The following LNPK variants were observed in gnomAD, a reference collection of about 807,000 sequenced individuals.
LNPK encodes endoplasmic reticulum junction formation protein lunapark.
Under a neutral mutation model 55.2 loss-of-function variants are expected in LNPK, and 29 were observed. That is an observed-to-expected ratio of 0.53 (90% CI 0.39 to 0.72). The LOEUF (loss-of-function observed/expected upper bound fraction) is 0.72. Ranked by LOEUF, LNPK falls within the 30% of genes least tolerant of loss-of-function variation. The probability of loss-of-function intolerance (pLI) is 0.00; values close to 1 mark genes in which losing one functional copy is unlikely to be tolerated. For missense variants in LNPK, 467 were observed against 494.8 expected (o/e 0.94, Z 0.53); for synonymous variants, 162 against 168.2 (o/e 0.96, Z 0.29).
intron 1 of LNPK, among the ~76,000 whole-genome samples, chr2:175,998,129 G>C (rs376603232): frequency 3.3e-5 from 5 of 152,208 alleles, no homozygotes; most frequent in African/African-American, 1.2e-4. Context: ...AAGTGAAGTA[G>C]TGTGCTAAGT....
Position 175,927,164 on chromosome 2 carries a change from A to G in LNPK, c.*2803T>C, listed in dbSNP as rs546660059. 1 of 152,334 alleles carries G rather than the reference A, an allele frequency of 6.6e-6. No individual in the cohort carries two copies. The highest frequency in any genetic ancestry group is 2.4e-5 in the African/African-American group (1 of 41,590). 9.4% of individuals were successfully genotyped at this position (152,334 alleles called of 1,614,324 possible). On this transcript the variant is annotated 3_prime_UTR_variant, in exon 13 of 13. Transcript: ENST00000272748. Reference sequence around the variant, plus strand: ...ATAATAGTGTGATATATGAAAAGCCAAAAGAAAAAAAGTATCTCAGAGAAT... The same window carrying G: ...ATAATAGTGTGATATATGAAAAGCCGAAAGAAAAAAAGTATCTCAGAGAAT...
chr2:175,956,971 C>T (rs1048197153), intron 8 of LNPK, among the ~76,000 whole-genome samples: 1 of 152,120 alleles, frequency 6.6e-6, no homozygotes, highest in African/African-American at 2.4e-5. Flanking sequence ...TTTTAAGTAG[C>T]CTTTAGAGTC....
chr2:175,980,980 T>TA (rs920044816), intron 4 of LNPK, among the ~76,000 whole-genome samples: 15 of 151,502 alleles, frequency 9.9e-5, no homozygotes, highest in Middle Eastern at 3.4e-3. Flanking sequence ...GTATCTCTTG[T>TA]AAAAAAAAAT....
chr2:175,992,047 G>A (rs1687725101), intron 4 of LNPK, among the ~76,000 whole-genome samples, 184 bp downstream of exon 4: 2 of 151,828 alleles, frequency 1.3e-5, no homozygotes, highest in South Asian at 2.1e-4. Flanking sequence ...CAGGTATATT[G>A]GATTACAAAT....
intron 4 of LNPK, among the ~76,000 whole-genome samples, chr2:175,982,049 C>A (rs1559066892): frequency 6.6e-6 from 1 of 151,952 alleles, no homozygotes; most frequent in Non-Finnish European, 1.5e-5. Context: ...CCTAAAAGTA[C>A]AAAAAACACC....
chr2:175,966,428 T>G, intron 6 of LNPK, among the ~76,000 whole-genome samples: 1 of 152,216 alleles, frequency 6.6e-6, no homozygotes, highest in East Asian at 1.9e-4. Context: ...CAGATAACTC[T>G]AGACTAAAAC....
At chr2:175,985,233 T>C (rs1687349916) in intron 4 of LNPK, among the ~76,000 whole-genome samples, 1 of 151,882 alleles carries the variant, frequency 6.6e-6, no homozygotes, top group Non-Finnish European at 1.5e-5. Flanking sequence ...TATAAAGGAG[T>C]AGCAAAAAGG....
At chr2:175,993,057 T>G (rs1455513368) in intron 3 of LNPK, 125 bp downstream of exon 3, 8 of 585,208 alleles carry the variant, frequency 1.4e-5, no homozygotes, top group Non-Finnish European at 2.1e-5. Flanking sequence ...ATTAAAGTTC[T>G]CAGACTCACT....
chr2:175,934,114 CTG>C (rs911233794), intron 12 of LNPK, among the ~76,000 whole-genome samples: 1 of 152,168 alleles, frequency 6.6e-6, no homozygotes, highest in African/African-American at 2.4e-5. Context: ...CAAAAGATCT[CTG>C]TGTCTAAAAC....
Position 176,001,607 on chromosome 2 carries a change from T to C in LNPK, c.-63+553A>G, listed in dbSNP as rs535770948. Reference sequence around the variant, plus strand: ...ATGGTTGGAGAGTCTCTTCTCTAAGTAGCACGTACTCCACGCCCACACGCT... The same window carrying C: ...ATGGTTGGAGAGTCTCTTCTCTAAGCAGCACGTACTCCACGCCCACACGCT... On this transcript the variant is annotated intron_variant, in intron 1 of 12. Coordinates refer to ENST00000272748, the MANE Select transcript of LNPK (RefSeq NM_030650.3). 2.6e-5 allele frequency among the ~76,000 whole-genome samples: 4 copies of C among 152,168 alleles called. No individual in the cohort carries two copies. In the South Asian group the frequency reaches 8.3e-4, roughly 32 times the overall value.
At chr2:175,949,127 C>T (rs1333509908) in intron 8 of LNPK, among the ~76,000 whole-genome samples, 1 of 152,018 alleles carries the variant, frequency 6.6e-6, no homozygotes, top group Non-Finnish European at 1.5e-5. Flanking sequence ...CATTGGTTCA[C>T]AATTTAGTCT....
In LNPK at chr2:175,938,218, G is replaced by A. The variant is rs993395188; in HGVS notation, c.883+95C>T. 41 of 743,452 alleles carry A rather than the reference G, an allele frequency of 5.5e-5. No individual in the cohort carries two copies. The Admixed American group carries it at 8.7e-4, about 16-fold the overall frequency. The allele number at this position is 743,452 out of a possible 1,614,324, so 46.1% of individuals were successfully genotyped here. ...TATGCCTAACCAATGTATACAAAGA[G>A]AGTATATAAAATAAAATGACACTGC... On this transcript the variant is annotated intron_variant, in intron 11 of 12. Transcript: ENST00000272748.
intron 6 of LNPK, among the ~76,000 whole-genome samples, chr2:175,964,889 T>C (rs985835701): frequency 2.0e-5 from 3 of 152,142 alleles, no homozygotes; most frequent in African/African-American, 7.2e-5. Flanking sequence ...TCAGCCATCA[T>C]TATTGGAAGT....
intron 12 of LNPK, among the ~76,000 whole-genome samples, chr2:175,936,445 C>T (rs930577734): frequency 6.6e-5 from 10 of 151,992 alleles, no homozygotes; most frequent in Admixed American, 2.0e-4. Context: ...TACATGTAAA[C>T]GATAATTCCT....
At chr2:175,957,214 C>A (rs557153382) in intron 8 of LNPK, among the ~76,000 whole-genome samples, 1 of 151,752 alleles carries the variant, frequency 6.6e-6, no homozygotes, top group Non-Finnish European at 1.5e-5. Context: ...AAAAATTAGC[C>A]GGGTGTCATG....
At chr2:176,001,970 G>A (rs1274562933) in intron 1 of LNPK, among the ~76,000 whole-genome samples, 190 bp downstream of exon 1, 1 of 152,246 alleles carries the variant, frequency 6.6e-6, no homozygotes, top group African/African-American at 2.4e-5. Flanking sequence ...ACAAGGCGGC[G>A]AGCCTGGGTC....
intron 4 of LNPK, among the ~76,000 whole-genome samples, chr2:175,988,109 A>T (rs1312833676): frequency 6.6e-6 from 1 of 152,078 alleles, no homozygotes; most frequent in East Asian, 1.9e-4. Context: ...TACCTCTTTC[A>T]CCCTTTCTGC....
chr2:175,941,411 T>C (rs1230513079), intron 9 of LNPK, among the ~76,000 whole-genome samples: 1 of 151,658 alleles, frequency 6.6e-6, no homozygotes. Context: ...AACCCACAGA[T>C]TCAAAAATAT....
chr2:175,928,421 T>G lies in LNPK; in HGVS notation c.*1546A>C, dbSNP rs1044626244. The G allele has an allele frequency of 6.8e-6, 1 of 146,114 alleles. No homozygotes were observed. The highest frequency in any genetic ancestry group is 2.5e-5 in the African/African-American group (1 of 39,374). 9.1% of individuals were successfully genotyped at this position (146,114 alleles called of 1,614,324 possible). On this transcript the variant is annotated 3_prime_UTR_variant, in exon 13 of 13. Transcript: ENST00000272748. ...AGTTTATAGGTGACTTGCCCAAGAC[T>G]ACAGACCTGAAATTTAAGCCCAATA...
Sources: gnomAD v4.1 joint callset for allele counts (sites outside exome capture counted in the v4.1 genomes callset) on GRCh38, gnomAD v4.1.1 for gene constraint, MANE v1.5 for transcripts, NCBI Gene and HGNC (gene_info 2026-07-23, HGNC 2026-07-21) for gene names.